The following AGAP1 variants were observed in gnomAD, a reference collection of about 807,000 sequenced individuals.
AGAP1 encodes arf-GAP with GTPase, ANK repeat and PH domain-containing protein 1.
In AGAP1, 29 loss-of-function variants were observed where a neutral mutation model predicts 105.3. That is an observed-to-expected ratio of 0.28 (90% CI 0.21 to 0.38). AGAP1 has a LOEUF of 0.38. Among genes scored for constraint, AGAP1 ranks in the 10% least tolerant of loss-of-function variants. AGAP1 has a pLI of 1.00. For synonymous variants in AGAP1, 509 were observed against 485.9 expected (o/e 1.05, Z -0.63); for missense variants, 998 against 1,165.1 (o/e 0.86, Z 2.09).
chr2:235,515,421 A>C (rs1473552267), intron 1 of AGAP1, among the ~76,000 whole-genome samples: 1 of 152,172 alleles, frequency 6.6e-6, no homozygotes, highest in East Asian at 1.9e-4. Flanking sequence ...CAGAGAGAAG[A>C]GCAGGGCAGG....
chr2:236,011,866 C>A (rs2056522970), intron 13 of AGAP1, among the ~76,000 whole-genome samples: 1 of 152,032 alleles, frequency 6.6e-6, no homozygotes, highest in South Asian at 2.1e-4. Context: ...CTGGGTGGCA[C>A]CAAACATCAG....
intron 16 of AGAP1, among the ~76,000 whole-genome samples, chr2:236,072,034 A>T (rs3768940): frequency 0.11 from 16,603 of 152,096 alleles, 1,492 homozygotes; most frequent in African/African-American, 0.24. Flanking sequence ...AACTTTTTTT[A>T]AAAAAACTCA....
chr2:236,050,600 C>A lies in AGAP1; in HGVS notation c.2114+1319C>A, dbSNP rs1049089293. 2.0e-5 allele frequency among the ~76,000 whole-genome samples: 3 copies of A among 152,030 alleles called. No individual in the cohort carries two copies. Among genetic ancestry groups the A allele is most frequent in the East Asian group, 1.9e-4 (1 of 5,190 alleles). ...AAAAGATGAATTCATGTTTTAATAT[C>A]TATTTTTTCACAGATAATGATAACA... On this transcript the variant is annotated intron_variant, in intron 16 of 17. Coordinates refer to ENST00000304032, the MANE Select transcript of AGAP1 (RefSeq NM_001037131.3). This position sits in a 1 kb window ranked among gnomAD's most constrained non-coding sequence, Gnocchi z 4.0.
At chr2:235,791,765 C>G (rs1956991734) in intron 6 of AGAP1, among the ~76,000 whole-genome samples, 1 of 152,066 alleles carries the variant, frequency 6.6e-6, no homozygotes, top group African/African-American at 2.4e-5. Context: ...CCAGGCTGGT[C>G]CAAACTCCTG....
intron 13 of AGAP1, among the ~76,000 whole-genome samples, chr2:236,032,059 T>C (rs542656072): frequency 1.3e-5 from 2 of 152,334 alleles, no homozygotes; most frequent in Non-Finnish European, 2.9e-5. Flanking sequence ...ATTCTAGTCA[T>C]GCATTTGACC....
chr2:235,772,210 C>G (rs997471260), intron 6 of AGAP1, among the ~76,000 whole-genome samples: 2 of 152,004 alleles, frequency 1.3e-5, no homozygotes, highest in African/African-American at 4.8e-5. Flanking sequence ...CCAGGCTGGT[C>G]TCGAATCCTG....
rs747901796 is a variant in AGAP1, at chr2:235,979,493, T to C, written c.1645+10870T>C. Among the ~76,000 whole-genome samples the C allele has an allele frequency of 2.6e-5, 4 of 152,190 alleles. No homozygotes were observed. Among genetic ancestry groups the C allele is most frequent in the Non-Finnish European group, 5.9e-5 (4 of 68,040 alleles). ...GTGTAGTTGAGATAAACTTTGTGTG[T>C]TTATTTAGTAATCTTTGCTAATACC... is the stretch of plus-strand genomic sequence containing the variant. On this transcript the variant is annotated intron_variant, in intron 13 of 17. Transcript: ENST00000304032. The surrounding 1 kb of genome is among the most constrained non-coding windows in gnomAD (Gnocchi z 4.5).
chr2:236,126,859 ACT>A lies in AGAP1; in HGVS notation c.*2741_*2742del, dbSNP rs2060011984. 1 of 152,122 alleles carries A rather than the reference ACT, an allele frequency of 6.6e-6. No homozygotes were observed. The highest frequency in any genetic ancestry group is 1.5e-5 in the Non-Finnish European group (1 of 68,034). The allele number at this position is 152,122 out of a possible 1,614,324, so 9.4% of individuals were successfully genotyped here. On this transcript the variant is annotated 3_prime_UTR_variant, in exon 18 of 18. Transcript: ENST00000304032. Reference sequence around the variant, plus strand: ...CAGAAGTCCTTTCTTTGCGGACCGCACTCTCGTTCCCACTTTCAAGCTAATTA... The same window carrying A: ...CAGAAGTCCTTTCTTTGCGGACCGCACTCGTTCCCACTTTCAAGCTAATTA...
At chr2:235,666,907 A>C (rs1052716732) in intron 1 of AGAP1, among the ~76,000 whole-genome samples, 8 of 152,060 alleles carry the variant, frequency 5.3e-5, no homozygotes, top group African/African-American at 1.9e-4. Flanking sequence ...AACAGTGAGA[A>C]TTGACCTCCC....
In AGAP1 at chr2:235,601,579, A is replaced by G. The variant is rs541641137; in HGVS notation, c.163+106730A>G. 4.6e-5 allele frequency among the ~76,000 whole-genome samples: 7 copies of G among 152,206 alleles called. No homozygotes were observed. Among genetic ancestry groups the G allele is most frequent in the Admixed American group, 3.9e-4 (6 of 15,282 alleles). Reference sequence around the variant, plus strand: ...AAAACCATCAGATCTTGTGAGACTTATTTTCTACCACAGAACAGAATAGGG... The same window carrying G: ...AAAACCATCAGATCTTGTGAGACTTGTTTTCTACCACAGAACAGAATAGGG... On this transcript the variant is annotated intron_variant, in intron 1 of 17. Coordinates refer to ENST00000304032, the MANE Select transcript of AGAP1 (RefSeq NM_001037131.3). This position sits in a 1 kb window ranked among gnomAD's most constrained non-coding sequence, Gnocchi z 4.4.
rs1353185893 is a variant in AGAP1 at position 235,889,958 on chromosome 2, C to G, written c.1155+6509C>G. On this transcript the variant is annotated intron_variant, in intron 10 of 17. Coordinates refer to ENST00000304032, the MANE Select transcript of AGAP1 (RefSeq NM_001037131.3). This position sits in a 1 kb window ranked among gnomAD's most constrained non-coding sequence, Gnocchi z 4.6. ...ACCTCCAGGCCCCAGATCTGCTCAG[C>G]TTGGGTTCTGTGAAGTCTTGACCCC... is the stretch of plus-strand genomic sequence containing the variant. Among the ~76,000 whole-genome samples, 1 of 152,074 alleles carries G rather than the reference C, an allele frequency of 6.6e-6. No homozygotes were observed. The highest frequency in any genetic ancestry group is 1.5e-5 in the Non-Finnish European group (1 of 68,004).
rs765781405 is a variant in AGAP1, at chr2:235,965,459, G to A, written c.1484-3003G>A. On this transcript the variant is annotated intron_variant, in intron 12 of 17. Coordinates refer to ENST00000304032, the MANE Select transcript of AGAP1 (RefSeq NM_001037131.3). The surrounding 1 kb of genome is among the most constrained non-coding windows in gnomAD (Gnocchi z 5.8). The stretch of plus-strand genomic sequence containing the variant: ...AATGGTGAAGGAAGCCAGACTTCAA[G>A]GAGTCAGGAAGAAACACAGTGGATT... Among the ~76,000 whole-genome samples the A allele has an allele frequency of 1.1e-4, 17 of 152,202 alleles. No homozygotes were observed. The highest frequency in any genetic ancestry group is 1.5e-4 in the Non-Finnish European group (10 of 68,040).
chr2:235,658,966 CT>C (rs1947862577), intron 1 of AGAP1, among the ~76,000 whole-genome samples: 1 of 152,222 alleles, frequency 6.6e-6, no homozygotes, highest in Non-Finnish European at 1.5e-5. Flanking sequence ...CCCTCCTCCT[CT>C]TTCCTCCCTT....
chr2:235,530,517 A>G (rs1029411833), intron 1 of AGAP1, among the ~76,000 whole-genome samples: 3 of 152,174 alleles, frequency 2.0e-5, no homozygotes, highest in South Asian at 2.1e-4. Context: ...TGCAGGCTCT[A>G]GGGAAGAATT....
intron 9 of AGAP1, among the ~76,000 whole-genome samples, chr2:235,862,516 C>T (rs932312352): frequency 1.1e-4 from 16 of 152,188 alleles, no homozygotes; most frequent in African/African-American, 2.7e-4. Flanking sequence ...GAGAAGGCTT[C>T]GGAGGCTCAG....
At position 235,900,327 on chromosome 2, in the gene AGAP1, T is replaced by C. The variant is rs1440216125; in HGVS notation, c.1156-8411T>C. Among the ~76,000 whole-genome samples the C allele has an allele frequency of 2.0e-5, 3 of 152,102 alleles. No individual in the cohort carries two copies. In the East Asian group the frequency reaches 5.8e-4, roughly 29 times the overall value. On this transcript the variant is annotated intron_variant, in intron 10 of 17. Coordinates refer to ENST00000304032, the MANE Select transcript of AGAP1 (RefSeq NM_001037131.3). This position sits in a 1 kb window ranked among gnomAD's most constrained non-coding sequence, Gnocchi z 5.5. ...AACTTCCTTCTTAGCCTGTTGACTT[T>C]GAGGTAGGAGGAGCCCAAAGTGGCC...
chr2:235,756,919 T>TA (rs1215245474), intron 6 of AGAP1, among the ~76,000 whole-genome samples: 1 of 144,076 alleles, frequency 6.9e-6, no homozygotes, highest in African/African-American at 2.8e-5. Flanking sequence ...ATGAAACCAG[T>TA]CCTTGGTGCC....
chr2:235,869,269 C>T (rs2049322166), intron 9 of AGAP1, among the ~76,000 whole-genome samples: 2 of 151,680 alleles, frequency 1.3e-5, no homozygotes, highest in African/African-American at 4.8e-5. Flanking sequence ...GGGTAATGAG[C>T]CCAAATTATA....
intron 1 of AGAP1, among the ~76,000 whole-genome samples, chr2:235,624,596 C>T (rs151077725): frequency 2.2e-4 from 33 of 152,184 alleles, no homozygotes; most frequent in Admixed American, 1.0e-3. Context: ...AGTGTATGTG[C>T]GTGTGTGCTG....
Sources: gnomAD v4.1 joint callset for allele counts (sites outside exome capture counted in the v4.1 genomes callset) on GRCh38, gnomAD v4.1.1 for gene constraint, Gnocchi (gnomAD v3.1) non-coding constraint, MANE v1.5 for transcripts, NCBI Gene and HGNC (gene_info 2026-07-23, HGNC 2026-07-21) for gene names.